The following IFNW1 variants were observed in gnomAD, a reference collection of about 807,000 sequenced individuals.
The protein encoded by IFNW1 is interferon omega 1, also known as interferon omega-1.
For missense variants in IFNW1, 293 were observed against 227.7 expected (o/e 1.29, Z -1.84); for synonymous variants, 105 against 88.0 (o/e 1.19, Z -1.08).
In IFNW1 at chr9:21,140,728, T is replaced by G. The variant is rs1276271249; in HGVS notation, c.*255A>C. The stretch of plus-strand genomic sequence containing the variant: ...CTTAATACAATGTAAAGGCAAACAT[T>G]TGTTATATAAGAATATAAATAGTAT... On this transcript the variant is annotated 3_prime_UTR_variant, in exon 1 of 1. Transcript: ENST00000380229. 8.0e-6 allele frequency: 2 copies of G among 248,558 alleles called. No individual in the cohort carries two copies. The allele number at this position is 248,558 out of a possible 1,614,324, so 15.4% of individuals were successfully genotyped here.
rs1291934620 is a variant in IFNW1, at chr9:21,141,358, C to A, written c.213G>T (p.Leu71Phe). The A allele has an allele frequency of 6.2e-7, 1 of 1,613,538 alleles. No individual in the cohort carries two copies. Among genetic ancestry groups the A allele is most frequent in the African/African-American group, 1.3e-5 (1 of 74,898 alleles). ...FPQEMVKGSQ[L>F]QKAHVMSVLH... ...GGACAGACATGACATGGGCCTTCTG[C>A]AACTGGCTCCCTTTTACCATCTCCT... The change falls in exon 1 of 1, where the codon TTG becomes TTT. Residue 71 changes from leucine to phenylalanine, a missense_variant. Leu to Phe is a conservative substitution (Grantham distance 22). Coordinates refer to ENST00000380229, the MANE Select transcript of IFNW1 (RefSeq NM_002177.3).
chr9:21,140,997 G>A lies in IFNW1; in HGVS notation c.574C>T (p.Leu192=). The A allele has an allele frequency of 6.2e-7, 1 of 1,609,000 alleles. No individual in the cohort carries two copies. Among genetic ancestry groups the A allele is most frequent in the Non-Finnish European group, 8.5e-7 (1 of 1,176,146 alleles). The stretch of plus-strand genomic sequence containing the variant: ...TGAGAATCATTTCAAGATGAGCCCA[G>A]GTCTCTATCTTTACTTCTCAGTCTT... ...QERLRSKDRD[L]GSS Residue 192 remains leucine (L), a synonymous_variant, in exon 1 of 1, where the codon CTG becomes TTG. Transcript: ENST00000380229.
Position 21,141,530 on chromosome 9 carries a change from G to A in IFNW1, c.41C>T (p.Thr14Ile). 1.2e-6 allele frequency: 2 copies of A among 1,608,370 alleles called. No individual in the cohort carries two copies. The highest frequency in any genetic ancestry group is 1.7e-6 in the Non-Finnish European group (2 of 1,177,414). ...LFPLLAALVM[T>I]SYSPVGSLGC... Reference sequence around the variant, plus strand: ...CAGAGATCCAACAGGGCTATAGCTGGTCATCACTAGGGCTGCCAGTAGAGG... The same window carrying A: ...CAGAGATCCAACAGGGCTATAGCTGATCATCACTAGGGCTGCCAGTAGAGG... The change falls in exon 1 of 1, where the codon ACC becomes ATC. Residue 14 changes from threonine (T) to isoleucine (I), a missense_variant. Coordinates refer to ENST00000380229, the MANE Select transcript of IFNW1 (RefSeq NM_002177.3).
rs142193445 is a variant in IFNW1 at position 21,141,270 on chromosome 9, T to C, written c.301A>G (p.Asn101Asp). Residue 101 changes from asparagine (N) to aspartate (D), a missense_variant, in exon 1 of 1, where the codon AAC (asparagine) becomes GAC (aspartate). Physicochemically the swap from Asn to Asp is conservative, Grantham distance 23. Transcript: ENST00000380229. ...FHTERSSAAW[N>D]MTLLDQLHTG... is the part of the protein sequence containing the mutation. ...TGGAGTTGGTCTAGGAGGGTCATGT[T>C]CCAGGCAGCAGAGGAGCGCTCTGTG... is the stretch of plus-strand genomic sequence containing the variant. 4.0e-5 allele frequency: 65 copies of C among 1,614,070 alleles called. No individual in the cohort carries two copies. In the African/African-American group the frequency reaches 8.1e-4, roughly 20 times the overall value.
Position 21,140,908 on chromosome 9 carries a change from G to T in IFNW1, c.*75C>A, listed in dbSNP as rs185797890. Reference sequence around the variant, plus strand: ...TTCAGTCAATTCTGTGATTAAAGCCGAAATAAGAGTCTTTTGAATTGACCA... The same window carrying T: ...TTCAGTCAATTCTGTGATTAAAGCCTAAATAAGAGTCTTTTGAATTGACCA... On this transcript the variant is annotated 3_prime_UTR_variant, in exon 1 of 1. Coordinates refer to ENST00000380229, the MANE Select transcript of IFNW1 (RefSeq NM_002177.3). 4.8e-6 allele frequency: 5 copies of T among 1,049,432 alleles called. No homozygotes were observed. Among genetic ancestry groups the T allele is most frequent in the South Asian group, 3.1e-5 (2 of 64,222 alleles). 65.0% of individuals were successfully genotyped at this position (1,049,432 alleles called of 1,614,324 possible). A position where few individuals can be genotyped will look rare whatever the true frequency, so the allele number is the denominator to read the frequency against.
In IFNW1 at chr9:21,141,645, A is replaced by T; in HGVS notation, c.-75T>A. 2 of 896,778 alleles carry T rather than the reference A, an allele frequency of 2.2e-6. No individual in the cohort carries two copies. Among genetic ancestry groups the T allele is most frequent in the Non-Finnish European group, 3.4e-6 (2 of 583,430 alleles). 55.6% of individuals were successfully genotyped at this position (896,778 alleles called of 1,614,324 possible). On this transcript the variant is annotated 5_prime_UTR_variant, in exon 1 of 1. The change abolishes an upstream ATG in the 5' untranslated region. Transcript: ENST00000380229. Reference sequence around the variant, plus strand: ...CTTGGACCCTAGGTTTTCTGAAGACATTGCTTGTATGCATGGCTTTTAATA... The same window carrying T: ...CTTGGACCCTAGGTTTTCTGAAGACTTTGCTTGTATGCATGGCTTTTAATA...
In IFNW1 at chr9:21,141,199, C is replaced by A; in HGVS notation, c.372G>T (p.Leu124=). The A allele has an allele frequency of 6.2e-7, 1 of 1,614,168 alleles. No homozygotes were observed. Among genetic ancestry groups the A allele is most frequent in the Non-Finnish European group, 8.5e-7 (1 of 1,180,018 alleles). Residue 124 remains leucine, a synonymous_variant, in exon 1 of 1, where the codon CTG becomes CTT. Transcript: ENST00000380229. ...CAGATTCTCCTTCTCCCACTACCTG[C>A]AGCAAGCAGGTCTCCAGGTGTTGCA... ...QQLQHLETCL[L]QVVGEGESAG...
chr9:21,140,998 G>A lies in IFNW1; in HGVS notation c.573C>T (p.Asp191=). Residue 191 remains aspartate, a synonymous_variant, in exon 1 of 1, where the codon GAC becomes GAT. Coordinates refer to ENST00000380229, the MANE Select transcript of IFNW1 (RefSeq NM_002177.3). ...MQERLRSKDR[D]LGSS ...GAGAATCATTTCAAGATGAGCCCAG[G>A]TCTCTATCTTTACTTCTCAGTCTTT... 2 of 1,610,548 alleles carry A rather than the reference G, an allele frequency of 1.2e-6. No homozygotes were observed. The highest frequency in any genetic ancestry group is 1.1e-5 in the South Asian group (1 of 90,778).
At position 21,140,989 on chromosome 9, in the gene IFNW1, T is replaced by C; in HGVS notation, c.582A>G (p.Ser194=). The C allele has an allele frequency of 6.2e-7, 1 of 1,600,670 alleles. No individual in the cohort carries two copies. ...TTAATCAATGAGAATCATTTCAAGA[T>C]GAGCCCAGGTCTCTATCTTTACTTC... ...RLRSKDRDLG[S]S The change falls in exon 1 of 1, where the codon TCA becomes TCG. Residue 194 remains serine (S), a synonymous_variant. Coordinates refer to ENST00000380229, the MANE Select transcript of IFNW1 (RefSeq NM_002177.3).
Position 21,141,161 on chromosome 9 carries a change from C to G in IFNW1, c.410G>C (p.Ser137Thr). The G allele has an allele frequency of 1.2e-6, 2 of 1,614,178 alleles. No homozygotes were observed. Among genetic ancestry groups the G allele is most frequent in the Non-Finnish European group, 1.7e-6 (2 of 1,180,024 alleles). ...VGEGESAGAI[S>T]SPALTLRRYF... ...CCTCCTCAAGGTCAGTGCAGGGCTG[C>G]TAATTGCCCCAGCAGATTCTCCTTC... Residue 137 changes from serine to threonine, a missense_variant, in exon 1 of 1, where the codon AGC becomes ACC. By Grantham distance (58) the Ser-to-Thr change is moderately conservative. Transcript: ENST00000380229.
rs1819386522 is a variant in IFNW1, at chr9:21,140,816, GCCCC to G, written c.*163_*166del. 3.8e-6 allele frequency: 2 copies of G among 527,090 alleles called. No individual in the cohort carries two copies. The highest frequency in any genetic ancestry group is 3.8e-5 in the African/African-American group (2 of 52,382). 32.7% of individuals were successfully genotyped at this position (527,090 alleles called of 1,614,324 possible). ...AATAAATAACATCTTAGGGACTGAT[GCCCC>G]TGAACCTAAGTCTTTTTAACATATA... On this transcript the variant is annotated 3_prime_UTR_variant, in exon 1 of 1. Coordinates refer to ENST00000380229, the MANE Select transcript of IFNW1 (RefSeq NM_002177.3).
Position 21,141,283 on chromosome 9 carries a change from G to A in IFNW1, c.288C>T (p.Ser96=). Residue 96 remains serine, a synonymous_variant, in exon 1 of 1, where the codon TCC becomes TCT. Coordinates refer to ENST00000380229, the MANE Select transcript of IFNW1 (RefSeq NM_002177.3). Reference sequence around the variant, plus strand: ...GGAGGGTCATGTTCCAGGCAGCAGAGGAGCGCTCTGTGTGGAAGAGGCTGA... The same window carrying A: ...GGAGGGTCATGTTCCAGGCAGCAGAAGAGCGCTCTGTGTGGAAGAGGCTGA... ...QIFSLFHTER[S]SAAWNMTLLD... 3.7e-6 allele frequency: 6 copies of A among 1,614,168 alleles called. No homozygotes were observed. Among genetic ancestry groups the A allele is most frequent in the South Asian group, 1.1e-5 (1 of 91,090 alleles).
Position 21,140,955 on chromosome 9 carries a change from T to G in IFNW1, c.*28A>C, listed in dbSNP as rs747272237. On this transcript the variant is annotated 3_prime_UTR_variant, in exon 1 of 1. Transcript: ENST00000380229. Reference sequence around the variant, plus strand: ...ACCAGAGTCACATGTGCAAGTGTTATATGGCAAATTAATCAATGAGAATCA... The same window carrying G: ...ACCAGAGTCACATGTGCAAGTGTTAGATGGCAAATTAATCAATGAGAATCA... The G allele has an allele frequency of 6.7e-7, 1 of 1,498,370 alleles. No homozygotes were observed. The highest frequency in any genetic ancestry group is 1.2e-5 in the South Asian group (1 of 82,602). 92.8% of individuals were successfully genotyped at this position (1,498,370 alleles called of 1,614,324 possible).
rs1014841480 is a variant in IFNW1, at chr9:21,141,652, G to C, written c.-82C>G. The C allele has an allele frequency of 1.6e-5, 13 of 836,886 alleles. No homozygotes were observed. In the African/African-American group the frequency reaches 1.9e-4, roughly 12 times the overall value. 51.8% of individuals were successfully genotyped at this position (836,886 alleles called of 1,614,324 possible). On this transcript the variant is annotated 5_prime_UTR_variant, in exon 1 of 1. It introduces an in-frame stop codon into an upstream open reading frame of the 5' UTR. Transcript: ENST00000380229. ...CCTAGGTTTTCTGAAGACATTGCTT[G>C]TATGCATGGCTTTTAATAGGAAACA...
rs1248582686 is a variant in IFNW1 at position 21,140,954 on chromosome 9, A to G, written c.*29T>C. ...GACCAGAGTCACATGTGCAAGTGTT[A>G]TATGGCAAATTAATCAATGAGAATC... On this transcript the variant is annotated 3_prime_UTR_variant, in exon 1 of 1. Transcript: ENST00000380229. 6 of 1,494,588 alleles carry G rather than the reference A, an allele frequency of 4.0e-6. No homozygotes were observed. The highest frequency in any genetic ancestry group is 5.5e-6 in the Non-Finnish European group (6 of 1,085,546). The allele number at this position is 1,494,588 out of a possible 1,614,324, so 92.6% of individuals were successfully genotyped here.
At position 21,140,644 on chromosome 9, in the gene IFNW1, T is replaced by A. The variant is rs1484433348; in HGVS notation, c.*339A>T. 1 of 158,986 alleles carries A rather than the reference T, an allele frequency of 6.3e-6. No individual in the cohort carries two copies. The highest frequency in any genetic ancestry group is 1.4e-5 in the Non-Finnish European group (1 of 72,880). 9.8% of individuals were successfully genotyped at this position (158,986 alleles called of 1,614,324 possible). On this transcript the variant is annotated 3_prime_UTR_variant, in exon 1 of 1. Coordinates refer to ENST00000380229, the MANE Select transcript of IFNW1 (RefSeq NM_002177.3). ...TTCAAGAAGTTTTGTTTGAAAATAATTTAATAAATAACAAAATACAATATT... is the reference window on the plus strand; with the variant it reads ...TTCAAGAAGTTTTGTTTGAAAATAAATTAATAAATAACAAAATACAATATT...
chr9:21,141,367 C>T lies in IFNW1; in HGVS notation c.204G>A (p.Gly68=). 6.2e-7 allele frequency: 1 copy of T among 1,613,738 alleles called. No individual in the cohort carries two copies. Among genetic ancestry groups the T allele is most frequent in the Non-Finnish European group, 8.5e-7 (1 of 1,179,784 alleles). The part of the protein sequence containing the change: ...DFRFPQEMVK[G]SQLQKAHVMS... ...TGACATGGGCCTTCTGCAACTGGCTCCCTTTTACCATCTCCTGGGGGAACC... is the reference window on the plus strand; with the variant it reads ...TGACATGGGCCTTCTGCAACTGGCTTCCTTTTACCATCTCCTGGGGGAACC... Residue 68 remains glycine, a synonymous_variant, in exon 1 of 1, where the codon GGG becomes GGA. Transcript: ENST00000380229.
chr9:21,141,256 T>A lies in IFNW1; in HGVS notation c.315A>T (p.Leu105=), dbSNP rs532535629. 7 of 1,614,150 alleles carry A rather than the reference T, an allele frequency of 4.3e-6. No individual in the cohort carries two copies. In the Admixed American group the frequency reaches 1.2e-4, roughly 27 times the overall value. The change falls in exon 1 of 1, where the codon CTA becomes CTT. Residue 105 remains leucine (L), a synonymous_variant. Coordinates refer to ENST00000380229, the MANE Select transcript of IFNW1 (RefSeq NM_002177.3). ...GATGAAGTCCAGTGTGGAGTTGGTCTAGGAGGGTCATGTTCCAGGCAGCAG... is the reference window on the plus strand; with the variant it reads ...GATGAAGTCCAGTGTGGAGTTGGTCAAGGAGGGTCATGTTCCAGGCAGCAG... ...RSSAAWNMTL[L]DQLHTGLHQQ...
At chr9:21,141,433 TC>T in the IFNW1 span, 5 of 1,614,012 alleles carry the variant, frequency 3.1e-6, no homozygotes, top group Non-Finnish European at 4.2e-6. Context: ...AAGGGGAGAT[TC>T]TCCTCATTTG....
Sources: allele counts gnomAD v4.1 joint callset, GRCh38; gene constraint gnomAD v4.1.1; transcripts MANE v1.5; gene names NCBI Gene and HGNC (gene_info 2026-07-23, HGNC 2026-07-21).